Variants in RBFOX1 observed in about 807,000 individuals in gnomAD.
The protein encoded by RBFOX1 is RNA binding protein fox-1 homolog 1.
A neutral mutation model predicts 57.7 loss-of-function variants in RBFOX1; 8 were observed. That is an observed-to-expected ratio of 0.14 (90% CI 0.08 to 0.25). RBFOX1 has a LOEUF of 0.25. Among genes scored for constraint, RBFOX1 ranks in the 10% least tolerant of loss-of-function variants. RBFOX1 has a pLI of 1.00. For missense variants in RBFOX1, 611 were observed against 548.5 expected, an observed-to-expected ratio of 1.11 and a Z score of -1.14; for synonymous variants, 326 against 222.4, an observed-to-expected ratio of 1.47 and a Z score of -4.15.
intron 4 of RBFOX1, among the ~76,000 whole-genome samples, chr16:7,481,140 G>A (rs2063840307): frequency 6.6e-6 from 1 of 152,104 alleles, no homozygotes; most frequent in African/African-American, 2.4e-5. Flanking sequence ...GTTCAATGAG[G>A]ATGGTGCTAC....
intron 4 of RBFOX1, among the ~76,000 whole-genome samples, chr16:7,382,986 C>G (rs1474706678): frequency 6.6e-6 from 1 of 152,038 alleles, no homozygotes; most frequent in African/African-American, 2.4e-5. Context: ...AGCCAATGAG[C>G]TGTTCATTAA....
At chr16:7,451,435 G>A (rs184553245) in intron 4 of RBFOX1, among the ~76,000 whole-genome samples, 2 of 152,062 alleles carry the variant, frequency 1.3e-5, no homozygotes, top group Non-Finnish European at 2.9e-5. Flanking sequence ...AGTTAACTTG[G>A]GCGGGCTCAC....
chr16:6,432,762 G>A lies in RBFOX1; in HGVS notation c.-64+115705G>A, dbSNP rs116862755. Among the ~76,000 whole-genome samples the A allele has an allele frequency of 1.6e-3, 236 of 152,202 alleles. 4 individuals carry two copies. In the East Asian group the frequency reaches 0.018, roughly 11 times the overall value. ...TAGAAGGCAAAGGTGGGCAGGTCAC[G>A]AGGTCGGGAGTTCGAGACCAGTCTG... On this transcript the variant is annotated intron_variant, in intron 2 of 15. Coordinates refer to ENST00000550418, the MANE Select transcript of RBFOX1 (RefSeq NM_018723.4).
chr16:5,400,657 G>A (rs2066690104), intron 1 of RBFOX1, among the ~76,000 whole-genome samples: 1 of 150,754 alleles, frequency 6.6e-6, no homozygotes, highest in Non-Finnish European at 1.5e-5. Flanking sequence ...TTCCAGTTGG[G>A]CATGATTGAT....
chr16:6,767,944 TAATAAGAAG>T (rs1161234174), intron 3 of RBFOX1, among the ~76,000 whole-genome samples: 1,118 of 86,514 alleles, frequency 0.013, 9 homozygotes, highest in East Asian at 0.049. Context: ...ATAATAATAA[TAATAAGAAG>T]AAGAAGAAGA....
intron 3 of RBFOX1, among the ~76,000 whole-genome samples, chr16:6,812,775 G>C (rs2089053755): frequency 6.6e-6 from 1 of 152,104 alleles, no homozygotes; most frequent in Admixed American, 6.5e-5. Context: ...GTGCTCATAA[G>C]CGGCATTTTC....
chr16:7,677,126 T>TACAC (rs1314598196), intron 14 of RBFOX1, among the ~76,000 whole-genome samples: 8 of 51,250 alleles, frequency 1.6e-4, no homozygotes, highest in Admixed American at 1.4e-3. Context: ...CTTGCTCACA[T>TACAC]ACACATACAC....
intron 4 of RBFOX1, among the ~76,000 whole-genome samples, chr16:7,209,734 G>A (rs879503160): frequency 6.6e-6 from 1 of 152,138 alleles, no homozygotes; most frequent in Non-Finnish European, 1.5e-5. Flanking sequence ...AACCTTTGTG[G>A]GGGCAGGAGT....
chr16:6,682,281 T>C (rs1010528114), intron 3 of RBFOX1, among the ~76,000 whole-genome samples: 1 of 152,124 alleles, frequency 6.6e-6, no homozygotes, highest in Non-Finnish European at 1.5e-5. Context: ...CCCTGCCTCC[T>C]CTGGAGGGAT....
chr16:6,386,878 G>A (rs184085779), intron 2 of RBFOX1, among the ~76,000 whole-genome samples: 3 of 152,296 alleles, frequency 2.0e-5, no homozygotes, highest in Admixed American at 6.5e-5. Context: ...TGAGAAAGGC[G>A]GAGAGCTGGA....
At chr16:6,012,967 A>G (rs2094970551) in intron 4 of RBFOX1, among the ~76,000 whole-genome samples, 1 of 152,224 alleles carries the variant, frequency 6.6e-6, no homozygotes, top group Admixed American at 6.5e-5. Flanking sequence ...AGTCATTTAC[A>G]AGGAGAATAG....
At position 6,889,072 on chromosome 16, in the gene RBFOX1, C is replaced by G. The variant is rs151003656; in HGVS notation, c.-15-162985C>G. Among the ~76,000 whole-genome samples, 914 of 152,214 alleles carry G rather than the reference C, an allele frequency of 6.0e-3. 13 individuals carry two copies. The highest frequency in any genetic ancestry group is 0.021 in the African/African-American group (866 of 41,514). Reference sequence around the variant, plus strand: ...TTGATTGTATTTTTTCCCTTATAGACACGGGTTGGTTAGAGGGATATCACA... The same window carrying G: ...TTGATTGTATTTTTTCCCTTATAGAGACGGGTTGGTTAGAGGGATATCACA... On this transcript the variant is annotated intron_variant, in intron 3 of 15. Transcript: ENST00000550418.
At chr16:6,401,320 A>C (rs573617809) in intron 2 of RBFOX1, among the ~76,000 whole-genome samples, 1 of 152,222 alleles carries the variant, frequency 6.6e-6, no homozygotes, top group African/African-American at 2.4e-5. Context: ...AGGCAAATGC[A>C]TAAGTGTACA....
intron 1 of RBFOX1, among the ~76,000 whole-genome samples, chr16:6,183,775 G>C (rs2097085872): frequency 6.6e-6 from 1 of 152,138 alleles, no homozygotes; most frequent in Non-Finnish European, 1.5e-5. Flanking sequence ...GGGAGAAAAA[G>C]AGACAAGAGT....
At chr16:6,227,960 A>G (rs1374948282) in intron 1 of RBFOX1, among the ~76,000 whole-genome samples, 1 of 152,196 alleles carries the variant, frequency 6.6e-6, no homozygotes, top group African/African-American at 2.4e-5. Context: ...AGAAAATGAA[A>G]TCAATATATC....
At chr16:6,468,027 A>G (rs2095089975) in intron 2 of RBFOX1, among the ~76,000 whole-genome samples, 1 of 152,186 alleles carries the variant, frequency 6.6e-6, no homozygotes, top group East Asian at 1.9e-4. Context: ...AAATTACCAG[A>G]GAAGGAGAGT....
chr16:6,048,742 T>A (rs2095520627), intron 1 of RBFOX1, among the ~76,000 whole-genome samples: 1 of 152,204 alleles, frequency 6.6e-6, no homozygotes, highest in Non-Finnish European at 1.5e-5. Flanking sequence ...AGCTTTTGGA[T>A]ATTAAAACCT....
At chr16:6,596,593 G>T (rs187592272) in intron 2 of RBFOX1, among the ~76,000 whole-genome samples, 1 of 143,076 alleles carries the variant, frequency 7.0e-6, no homozygotes. Context: ...AATGAGAACA[G>T]AACTTCAGAA....
At chr16:7,104,613 T>C (rs2063255800) in intron 4 of RBFOX1, among the ~76,000 whole-genome samples, 1 of 152,168 alleles carries the variant, frequency 6.6e-6, no homozygotes, top group Admixed American at 6.6e-5. Flanking sequence ...CTTGCTGTGA[T>C]ATTGCTAACT....
Sources: allele counts gnomAD v4.1 joint callset (sites outside exome capture counted in the v4.1 genomes callset), GRCh38; gene constraint gnomAD v4.1.1; transcripts MANE v1.5; gene names NCBI Gene and HGNC (gene_info 2026-07-23, HGNC 2026-07-21).